Variants in NMT2 observed in about 807,000 individuals in gnomAD.
The protein encoded by NMT2 is glycylpeptide N-tetradecanoyltransferase 2.
A neutral mutation model predicts 65.4 loss-of-function variants in NMT2; 35 were observed. The observed-to-expected ratio is 0.54, with a 90% CI of 0.41 to 0.71. The LOEUF (loss-of-function observed/expected upper bound fraction) is 0.71. NMT2 is among the 30% of genes least tolerant of loss of function. The pLI, the probability that NMT2 is intolerant of heterozygous loss-of-function variation, is 0.00. For synonymous variants in NMT2, 226 were observed against 231.8 expected (o/e 0.98, Z 0.23); for missense variants, 489 against 611.3 (o/e 0.80, Z 2.11).
At chr10:15,164,984 TA>T (rs1833328886) in intron 1 of NMT2, among the ~76,000 whole-genome samples, 1 of 152,056 alleles carries the variant, frequency 6.6e-6, no homozygotes, top group African/African-American at 2.4e-5. Context: ...ACCAACACGG[TA>T]AAATCCTGTC....
intron 8 of NMT2, among the ~76,000 whole-genome samples, chr10:15,122,486 C>A (rs1845957905): frequency 6.6e-6 from 1 of 151,814 alleles, no homozygotes; most frequent in Non-Finnish European, 1.5e-5. Context: ...GGTGTGATCT[C>A]AGCTCACTGC....
At chr10:15,161,555 T>G (rs569249142) in intron 1 of NMT2, among the ~76,000 whole-genome samples, 39 of 152,206 alleles carry the variant, frequency 2.6e-4, no homozygotes, top group African/African-American at 8.4e-4. Context: ...AGATGGGGTT[T>G]CACCATGTTG....
chr10:15,130,361 T>G (rs771986901), intron 6 of NMT2, 49 bp from the exon 7 acceptor site: 3 of 1,346,050 alleles, frequency 2.2e-6, no homozygotes, highest in Non-Finnish European at 3.0e-6. Flanking sequence ...AGATTCAAAA[T>G]GAAGAGTCAA....
At position 15,142,744 on chromosome 10, in the gene NMT2, C is replaced by T. The variant is rs566587920; in HGVS notation, c.111-1187G>A. Among the ~76,000 whole-genome samples the T allele has an allele frequency of 3.3e-5, 5 of 152,290 alleles. No homozygotes were observed. The South Asian group carries it at 1.0e-3, about 32-fold the overall frequency. On this transcript the variant is annotated intron_variant, in intron 1 of 11. Coordinates refer to ENST00000378165, the MANE Select transcript of NMT2 (RefSeq NM_004808.3). ...TTTCATCAATAGAATCAAATTTGTGCTATCATGATGTTTATATTTAAAATC... is the reference window on the plus strand; with the variant it reads ...TTTCATCAATAGAATCAAATTTGTGTTATCATGATGTTTATATTTAAAATC...
chr10:15,118,211 C>T (rs1475202203), intron 9 of NMT2, among the ~76,000 whole-genome samples: 2 of 152,126 alleles, frequency 1.3e-5, no homozygotes, highest in East Asian at 1.9e-4. Flanking sequence ...CAGAAAGGAA[C>T]GCAATACAAA....
chr10:15,154,605 T>C (rs1249344508), intron 1 of NMT2, among the ~76,000 whole-genome samples: 1 of 152,214 alleles, frequency 6.6e-6, no homozygotes, highest in Non-Finnish European at 1.5e-5. Context: ...TTGTTAGTTT[T>C]TATTTCATAG....
rs772562630 is a variant in NMT2 at position 15,112,911 on chromosome 10, G to T, written c.1223C>A (p.Thr408Lys). 3 of 1,613,998 alleles carry T rather than the reference G, an allele frequency of 1.9e-6. No individual in the cohort carries two copies. Among genetic ancestry groups the T allele is most frequent in the African/African-American group, 2.7e-5 (2 of 74,914 alleles). Residue 408 changes from threonine to lysine, a missense_variant, in exon 10 of 12, where the codon ACG becomes AAG. Physicochemically the swap from Thr to Lys is moderately conservative, Grantham distance 78. Coordinates refer to ENST00000378165, the MANE Select transcript of NMT2 (RefSeq NM_004808.3). ...CTTGTGAGCAGGGTGGTGCATCACCGTGGAGGGGAGCGTATAGAAGCTCAG... is the reference window on the plus strand; with the variant it reads ...CTTGTGAGCAGGGTGGTGCATCACCTTGGAGGGGAGCGTATAGAAGCTCAG... ...DFLSFYTLPS[T>K]VMHHPAHKSL...
chr10:15,117,606 C>G (rs1456815678), intron 9 of NMT2, among the ~76,000 whole-genome samples: 1 of 152,150 alleles, frequency 6.6e-6, no homozygotes, highest in Non-Finnish European at 1.5e-5. Flanking sequence ...ATAAAGCTGT[C>G]CCTATTTGCA....
chr10:15,135,226 A>C, intron 3 of NMT2, 48 bp downstream of exon 3: 1 of 1,528,586 alleles, frequency 6.5e-7, no homozygotes, highest in Non-Finnish European at 9.0e-7. Flanking sequence ...GTTGTTGTTC[A>C]TCCAGCTTTG....
chr10:15,138,005 T>TTC (rs1265432682), intron 2 of NMT2, among the ~76,000 whole-genome samples: 1 of 89,066 alleles, frequency 1.1e-5, no homozygotes, highest in African/African-American at 4.0e-5. Context: ...CTTCTTCTTC[T>TTC]TTTTTTTTTT....
intron 9 of NMT2, among the ~76,000 whole-genome samples, chr10:15,114,209 C>A (rs1845668300): frequency 6.6e-6 from 1 of 152,198 alleles, no homozygotes; most frequent in African/African-American, 2.4e-5. Flanking sequence ...CTAAGAATTT[C>A]TCATATCCAT....
At chr10:15,163,552 T>C (rs1833271849) in intron 1 of NMT2, among the ~76,000 whole-genome samples, 1 of 152,338 alleles carries the variant, frequency 6.6e-6, no homozygotes, top group East Asian at 1.9e-4. Flanking sequence ...TTTTTCCATT[T>C]AGATTTATAC....
At chr10:15,138,554 A>G (rs571991810) in intron 2 of NMT2, 384 of 452,554 alleles carry the variant, frequency 8.5e-4, no homozygotes, top group Middle Eastern at 2.3e-3. Context: ...TCTTCCACAC[A>G]TGCTTTCTGT....
At chr10:15,161,098 A>AAAAAAAAAAAAAAAC (rs1833177741) in intron 1 of NMT2, among the ~76,000 whole-genome samples, 1 of 148,720 alleles carries the variant, frequency 6.7e-6, no homozygotes, top group Non-Finnish European at 1.5e-5. Context: ...AAAAAAAAAA[A>AAAAAAAAAAAAAAAC]AAAAAAAAAA....
chr10:15,151,443 AAT>A (rs1337121163), intron 1 of NMT2, among the ~76,000 whole-genome samples: 1 of 152,198 alleles, frequency 6.6e-6, no homozygotes, highest in African/African-American at 2.4e-5. Context: ...GTTAAACTAT[AAT>A]AAACTTTCAT....
intron 1 of NMT2, among the ~76,000 whole-genome samples, chr10:15,152,399 G>A (rs1264605815): frequency 6.6e-6 from 1 of 152,210 alleles, no homozygotes; most frequent in Non-Finnish European, 1.5e-5. Context: ...ACAAGACAAG[G>A]AGCAAGTGGC....
At chr10:15,153,387 G>C (rs959053744) in intron 1 of NMT2, among the ~76,000 whole-genome samples, 1 of 152,238 alleles carries the variant, frequency 6.6e-6, no homozygotes, top group Non-Finnish European at 1.5e-5. Flanking sequence ...GGCCTGCAGA[G>C]GCACACATGT....
At chr10:15,150,222 G>C (rs1832754661) in intron 1 of NMT2, among the ~76,000 whole-genome samples, 1 of 152,180 alleles carries the variant, frequency 6.6e-6, no homozygotes. Flanking sequence ...CAGGTTATCA[G>C]GGTGTACTGG....
At chr10:15,167,087 A>T (rs1833400927) in intron 1 of NMT2, among the ~76,000 whole-genome samples, 1 of 152,210 alleles carries the variant, frequency 6.6e-6, no homozygotes, top group Non-Finnish European at 1.5e-5. Flanking sequence ...TTTCAAAAAC[A>T]TATTTGTATT....
Sources: gnomAD v4.1 joint callset for allele counts (sites outside exome capture counted in the v4.1 genomes callset) on GRCh38, gnomAD v4.1.1 for gene constraint, MANE v1.5 for transcripts, NCBI Gene and HGNC (gene_info 2026-07-23, HGNC 2026-07-21) for gene names.